Variants in ST8SIA2 observed in about 807,000 individuals in gnomAD.
ST8SIA2 encodes the protein alpha-2,8-sialyltransferase 8B.
ST8SIA2 carries 22 observed loss-of-function variants against 37.6 expected under a neutral mutation model. That is an observed-to-expected ratio of 0.58 (90% CI 0.42 to 0.83). ST8SIA2 has a LOEUF of 0.83. Among genes scored for constraint, ST8SIA2 ranks in the 40% least tolerant of loss-of-function variants. The probability of loss-of-function intolerance (pLI) is 0.00; values close to 1 mark genes in which losing one functional copy is unlikely to be tolerated. For synonymous variants in ST8SIA2, 205 were observed against 201.2 expected (o/e 1.02, Z -0.16); for missense variants, 382 against 484.7 (o/e 0.79, Z 1.99).
chr15:92,458,383 G>C (rs2049934081), intron 5 of ST8SIA2, among the ~76,000 whole-genome samples: 1 of 152,156 alleles, frequency 6.6e-6, no homozygotes, highest in Non-Finnish European at 1.5e-5. Flanking sequence ...CTTGACCCCA[G>C]CCCAGTTACC....
At chr15:92,423,210 A>G (rs2049649782) in intron 1 of ST8SIA2, among the ~76,000 whole-genome samples, 1 of 152,254 alleles carries the variant, frequency 6.6e-6, no homozygotes, top group Non-Finnish European at 1.5e-5. Flanking sequence ...TTCTGGAGAC[A>G]GATGATGCTT....
intron 3 of ST8SIA2, among the ~76,000 whole-genome samples, chr15:92,438,094 C>T (rs2049772373): frequency 6.6e-6 from 1 of 152,180 alleles, no homozygotes; most frequent in South Asian, 2.1e-4. Context: ...AGTGATTCCA[C>T]AGGGCAGTTT....
intron 1 of ST8SIA2, among the ~76,000 whole-genome samples, chr15:92,427,493 G>T (rs2049685447): frequency 6.6e-6 from 1 of 152,096 alleles, no homozygotes; most frequent in African/African-American, 2.4e-5. Flanking sequence ...GTTGAGGTTT[G>T]CTTTTAGTAC....
At chr15:92,404,796 C>T (rs1030886681) in intron 1 of ST8SIA2, among the ~76,000 whole-genome samples, 2 of 149,564 alleles carry the variant, frequency 1.3e-5, no homozygotes, top group African/African-American at 4.9e-5. Flanking sequence ...GATCATGCCA[C>T]TGCACTCCAG....
At position 92,464,863 on chromosome 15, in the gene ST8SIA2, T is replaced by G; in HGVS notation, c.*478T>G. On this transcript the variant is annotated 3_prime_UTR_variant, in exon 6 of 6. Transcript: ENST00000268164. ...TCGACCCAGTCTAAAGTGGGTGCCATTCACGGAGGAGAGGGAGGTTGGAGA... is the reference window on the plus strand; with the variant it reads ...TCGACCCAGTCTAAAGTGGGTGCCAGTCACGGAGGAGAGGGAGGTTGGAGA... 5.7e-6 allele frequency: 1 copy of G among 176,532 alleles called. No individual in the cohort carries two copies. The highest frequency in any genetic ancestry group is 1.2e-5 in the Non-Finnish European group (1 of 82,512). 10.9% of individuals were successfully genotyped at this position (176,532 alleles called of 1,614,324 possible). A position where few individuals can be genotyped will look rare whatever the true frequency, so the allele number is the denominator to read the frequency against.
intron 5 of ST8SIA2, among the ~76,000 whole-genome samples, chr15:92,450,905 C>T (rs965127066): frequency 1.3e-5 from 2 of 152,328 alleles, no homozygotes; most frequent in African/African-American, 4.8e-5. Flanking sequence ...AGGAACCCTT[C>T]TGCTTTGCTG....
intron 1 of ST8SIA2, among the ~76,000 whole-genome samples, chr15:92,424,925 C>T (rs1203515132): frequency 6.6e-6 from 1 of 152,156 alleles, no homozygotes; most frequent in Admixed American, 6.5e-5. Context: ...CAACCTCTAC[C>T]CTTACAATGG....
chr15:92,439,106 G>C (rs1322047889), intron 4 of ST8SIA2, among the ~76,000 whole-genome samples: 1 of 152,146 alleles, frequency 6.6e-6, no homozygotes, highest in Non-Finnish European at 1.5e-5. Flanking sequence ...GTCATTATCT[G>C]GCGCTTTATA....
At position 92,394,039 on chromosome 15, in the gene ST8SIA2, T is replaced by G. The variant is rs1259366321; in HGVS notation, c.-26T>G. The stretch of plus-strand genomic sequence containing the variant: ...CCCCTGCTCCTCGCGCCGGCCCGCG[T>G]GGGTCCCGGCGGGCGCGAACCCACC... On this transcript the variant is annotated 5_prime_UTR_variant, in exon 1 of 6. Coordinates refer to ENST00000268164, the MANE Select transcript of ST8SIA2 (RefSeq NM_006011.4). 2 of 1,536,026 alleles carry G rather than the reference T, an allele frequency of 1.3e-6. No homozygotes were observed. The highest frequency in any genetic ancestry group is 2.0e-5 in the Admixed American group (1 of 49,962).
Position 92,412,698 on chromosome 15 carries a change from C to T in ST8SIA2, c.99-17351C>T, listed in dbSNP as rs546249152. ...TTTGAGACAGGGTCTTGCTCTGTCA[C>T]CCAGGCTGGAGTGCAGTGGTGCGAT... On this transcript the variant is annotated intron_variant, in intron 1 of 5. Transcript: ENST00000268164. 1.1e-4 allele frequency among the ~76,000 whole-genome samples: 17 copies of T among 152,264 alleles called. No homozygotes were observed. In the South Asian group the frequency reaches 3.5e-3, roughly 32 times the overall value.
At position 92,444,754 on chromosome 15, in the gene ST8SIA2, C is replaced by T. The variant is rs201692548; in HGVS notation, c.667C>T (p.Arg223Trp). ...TGAGGACTTGGTCAATGCCACGTGG[C>T]GGGAGAAGCTGCTGCAACGGCTGCA... The part of the protein sequence containing the change: ...AFEDLVNATW[R>W]EKLLQRLHSL... Residue 223 changes from arginine (R) to tryptophan (W), a missense_variant, in exon 5 of 6, where the codon CGG (arginine) becomes TGG (tryptophan). By Grantham distance (101) the Arg-to-Trp change is moderately radical (BLOSUM62 -3). Transcript: ENST00000268164. The T allele has an allele frequency of 8.1e-6, 13 of 1,614,154 alleles. No homozygotes were observed. The highest frequency in any genetic ancestry group is 4.5e-5 in the East Asian group (2 of 44,890).
At chr15:92,406,007 G>T (rs975198094) in intron 1 of ST8SIA2, among the ~76,000 whole-genome samples, 14 of 152,278 alleles carry the variant, frequency 9.2e-5, no homozygotes, top group Admixed American at 7.9e-4. Flanking sequence ...ACCTGCCTAC[G>T]GGTGGCCTCT....
At chr15:92,399,606 T>TA (rs35021057) in intron 1 of ST8SIA2, among the ~76,000 whole-genome samples, 2 of 152,068 alleles carry the variant, frequency 1.3e-5, no homozygotes, top group African/African-American at 2.4e-5. Context: ...CATTTTTTTT[T>TA]AAAAAAGCCC....
chr15:92,400,308 C>G (rs1008356778), intron 1 of ST8SIA2, among the ~76,000 whole-genome samples: 2 of 152,188 alleles, frequency 1.3e-5, no homozygotes, highest in African/African-American at 4.8e-5. Context: ...TATCCTTTAT[C>G]TCCAGCCCCT....
chr15:92,401,042 G>A (rs917071891), intron 1 of ST8SIA2, among the ~76,000 whole-genome samples: 3 of 152,250 alleles, frequency 2.0e-5, no homozygotes, highest in African/African-American at 7.2e-5. Flanking sequence ...CAAGACTTGG[G>A]GCAGCTGTGT....
chr15:92,407,014 G>GAAAAA (rs546566153), intron 1 of ST8SIA2, among the ~76,000 whole-genome samples: 1 of 139,508 alleles, frequency 7.2e-6, no homozygotes, highest in Non-Finnish European at 1.5e-5. Context: ...AAAAAGAAAA[G>GAAAAA]AAAAAAAAAA....
At chr15:92,456,329 T>C (rs2049919283) in intron 5 of ST8SIA2, among the ~76,000 whole-genome samples, 1 of 138,520 alleles carries the variant, frequency 7.2e-6, no homozygotes, top group Admixed American at 7.8e-5. Context: ...TCTCTCCTGA[T>C]AATGTCCCCA....
At chr15:92,445,023 G>T in intron 5 of ST8SIA2, 94 bp downstream of exon 5, 2 of 1,556,654 alleles carry the variant, frequency 1.3e-6, no homozygotes, top group Non-Finnish European at 1.7e-6. Context: ...TTCCATCCCA[G>T]CTCCACCACT....
intron 5 of ST8SIA2, among the ~76,000 whole-genome samples, chr15:92,461,317 C>T (rs917285247): frequency 1.3e-5 from 2 of 152,084 alleles, no homozygotes; most frequent in African/African-American, 4.8e-5. Context: ...GCTGTGTTCC[C>T]CTGGAATCAC....
Sources: allele counts gnomAD v4.1 joint callset (sites outside exome capture counted in the v4.1 genomes callset), GRCh38; gene constraint gnomAD v4.1.1; transcripts MANE v1.5; gene names NCBI Gene and HGNC (gene_info 2026-07-23, HGNC 2026-07-21).